The following CELF1 variants were observed in gnomAD, a reference collection of about 807,000 sequenced individuals.
CELF1 encodes 50 kDa nuclear polyadenylated RNA-binding protein.
A neutral mutation model predicts 61.8 loss-of-function variants in CELF1; 10 were observed. That is an observed-to-expected ratio of 0.16 (90% CI 0.10 to 0.27). The LOEUF (loss-of-function observed/expected upper bound fraction) is 0.27. Among genes scored for constraint, CELF1 ranks in the 10% least tolerant of loss-of-function variants. The pLI is 1.00. For synonymous variants in CELF1, 236 were observed against 225.1 expected (o/e 1.05, Z -0.43); for missense variants, 380 against 639.1 (o/e 0.59, Z 4.37).
chr11:47,521,264 A>G lies in CELF1; in HGVS notation c.-153-20332T>C, dbSNP rs977869470. 5.3e-5 allele frequency among the ~76,000 whole-genome samples: 8 copies of G among 151,576 alleles called. No individual in the cohort carries two copies. The South Asian group carries it at 8.3e-4, about 16-fold the overall frequency. On this transcript the variant is annotated intron_variant, in intron 1 of 14. Coordinates refer to ENST00000687097, the MANE Select transcript of CELF1 (RefSeq NM_001376376.1). ...GAGACTCCGTCTCCAAAAATAAAAA[A>G]TAAAATAAAAAATAAATGAACTAGT...
At chr11:47,481,966 G>A (rs1398793642) in intron 9 of CELF1, among the ~76,000 whole-genome samples, 6 of 152,178 alleles carry the variant, frequency 3.9e-5, no homozygotes, top group African/African-American at 7.2e-5. Flanking sequence ...ACTTTGGGAG[G>A]CCAAGACAGG....
intron 14 of CELF1, among the ~76,000 whole-genome samples, chr11:47,472,636 C>T (rs2078143624): frequency 6.6e-6 from 1 of 152,100 alleles, no homozygotes; most frequent in South Asian, 2.1e-4. Flanking sequence ...TTCACTGCAA[C>T]CTTGGCCTCC....
chr11:47,472,984 A>C, intron 14 of CELF1, 104 bp downstream of exon 14: 1 of 1,364,296 alleles, frequency 7.3e-7, no homozygotes, highest in East Asian at 2.4e-5. Context: ...GGCCAAGTTA[A>C]AACAACACCA....
At chr11:47,529,416 C>T (rs1423350560) in intron 1 of CELF1, among the ~76,000 whole-genome samples, 1 of 151,996 alleles carries the variant, frequency 6.6e-6, no homozygotes, top group East Asian at 1.9e-4. Flanking sequence ...GCCAGGCATG[C>T]TGGCTCACGC....
intron 1 of CELF1, among the ~76,000 whole-genome samples, chr11:47,519,575 G>A (rs1219642885): frequency 6.6e-6 from 1 of 151,946 alleles, no homozygotes; most frequent in African/African-American, 2.4e-5. Context: ...TGCTCCTAAA[G>A]GTGCTTCTCG....
chr11:47,544,797 T>C (rs2096892139), intron 1 of CELF1, among the ~76,000 whole-genome samples: 1 of 151,816 alleles, frequency 6.6e-6, no homozygotes, highest in African/African-American at 2.4e-5. Flanking sequence ...ACCCCATCTC[T>C]ACTAAAAATA....
chr11:47,477,511 G>T, intron 10 of CELF1, 86 bp from the exon 11 acceptor site: 1 of 1,419,472 alleles, frequency 7.0e-7, no homozygotes, highest in Non-Finnish European at 9.7e-7. Flanking sequence ...CTGGCAGAGG[G>T]CTGGTCCCTG....
At chr11:47,507,119 G>T (rs1471654240) in intron 1 of CELF1, among the ~76,000 whole-genome samples, 1 of 152,128 alleles carries the variant, frequency 6.6e-6, no homozygotes, top group African/African-American at 2.4e-5. Flanking sequence ...AACGATGGGG[G>T]AAGTAAAATA....
chr11:47,558,490 TTTA>T, intron 2 of CELF1, among the ~76,000 whole-genome samples: 3 of 124,500 alleles, frequency 2.4e-5, no homozygotes, highest in African/African-American at 9.9e-5. Context: ...ATATTATATA[TTTA>T]ATATATTATA....
intron 1 of CELF1, among the ~76,000 whole-genome samples, chr11:47,549,871 C>A (rs2153765476): frequency 6.7e-6 from 1 of 150,142 alleles, no homozygotes; most frequent in Admixed American, 6.7e-5. Flanking sequence ...GGCTGGAGTG[C>A]AGTGGTGCAA....
intron 3 of CELF1, chr11:47,494,398 C>CA: frequency 1.0e-6 from 1 of 984,462 alleles, no homozygotes; most frequent in South Asian, 4.7e-5. Flanking sequence ...TATGAAAATT[C>CA]AGGACAAGAG....
chr11:47,495,384 G>A (rs1403144341), intron 3 of CELF1, among the ~76,000 whole-genome samples: 1 of 152,282 alleles, frequency 6.6e-6, no homozygotes, highest in African/African-American at 2.4e-5. Flanking sequence ...GAATGGGGAT[G>A]GGGGAAGGGA....
chr11:47,490,952 C>T (rs1246746675), intron 3 of CELF1, among the ~76,000 whole-genome samples: 1 of 151,456 alleles, frequency 6.6e-6, no homozygotes, highest in East Asian at 1.9e-4. Context: ...ACCTCTGCCT[C>T]CTAGGTTCAA....
rs2077044684 is a variant in CELF1, at chr11:47,468,502, A to C, written c.*3728T>G. The stretch of plus-strand genomic sequence containing the variant: ...AAACGGACTGGCTGTGTGTTCACAG[A>C]AATACAAACACCACGCGGTATGTGC... On this transcript the variant is annotated 3_prime_UTR_variant, in exon 15 of 15. Transcript: ENST00000687097. 1 of 152,656 alleles carries C rather than the reference A, an allele frequency of 6.6e-6. No individual in the cohort carries two copies. The highest frequency in any genetic ancestry group is 1.5e-5 in the Non-Finnish European group (1 of 68,038). The allele number at this position is 152,656 out of a possible 1,614,324, so 9.5% of individuals were successfully genotyped here. A position where few individuals can be genotyped will look rare whatever the true frequency, so the allele number is the denominator to read the frequency against.
intron 12 of CELF1, among the ~76,000 whole-genome samples, chr11:47,476,571 G>A (rs1240225336): frequency 4.6e-5 from 7 of 152,006 alleles, no homozygotes; most frequent in African/African-American, 1.7e-4. Context: ...GACTACAGGC[G>A]CCCGCCACCA....
intron 1 of CELF1, among the ~76,000 whole-genome samples, chr11:47,537,265 T>TG (rs1208856889): frequency 1.4e-5 from 2 of 145,704 alleles, no homozygotes. Context: ...TTTTTTTTTT[T>TG]GGGACAGAGT....
At chr11:47,472,895 C>T (rs2078304368) in intron 14 of CELF1, among the ~76,000 whole-genome samples, 193 bp downstream of exon 14, 1 of 152,210 alleles carries the variant, frequency 6.6e-6, no homozygotes. Context: ...TCTGGAGCAA[C>T]AGTGTGGGTA....
upstream of CELF1, chr11:47,553,261 G>T: frequency 2.6e-6 from 1 of 380,010 alleles, no homozygotes; most frequent in Non-Finnish European, 4.7e-6. Flanking sequence ...CGCGGCGTAG[G>T]GGCGGGCCGA....
At chr11:47,531,309 C>G (rs1018511216) in intron 1 of CELF1, among the ~76,000 whole-genome samples, 1 of 152,018 alleles carries the variant, frequency 6.6e-6, no homozygotes, top group Non-Finnish European at 1.5e-5. Flanking sequence ...GTGGCTCACG[C>G]CTGTCAACCC....
Sources: allele counts gnomAD v4.1 joint callset (sites outside exome capture counted in the v4.1 genomes callset), GRCh38; gene constraint gnomAD v4.1.1; transcripts MANE v1.5; gene names NCBI Gene and HGNC (gene_info 2026-07-23, HGNC 2026-07-21).